Variants in COPZ2 observed in about 807,000 individuals in gnomAD.
The protein encoded by COPZ2 is coat protein complex I subunit zeta 2.
In COPZ2, 30 loss-of-function variants were observed where a neutral mutation model predicts 33.2. The ratio of observed to expected loss-of-function variants is 0.90; its 90% CI spans 0.68 to 1.23. The LOEUF is 1.23. Among genes scored for constraint, COPZ2 ranks in the 50% most tolerant of loss-of-function variants. The pLI, the probability that COPZ2 is intolerant of heterozygous loss-of-function variation, is 0.00. For synonymous variants in COPZ2, 89 were observed against 102.6 expected (o/e 0.87, Z 0.80); for missense variants, 263 against 262.4 (o/e 1.00, Z -0.02).
chr17:48,046,812 C>CTTCAAGTACTCAG, the COPZ2 span: 1 of 152,226 alleles, frequency 6.6e-6, no homozygotes, highest in African/African-American at 2.4e-5. Flanking sequence ...TTGAGTCCCC[C>CTTCAAGTACTCAG]TTCAAGTACT....
Position 48,036,901 on chromosome 17 carries a change from TG to T in COPZ2, c.135del (p.Ile46SerfsTer7). 2.5e-6 allele frequency: 4 copies of T among 1,613,954 alleles called. No individual in the cohort carries two copies. The highest frequency in any genetic ancestry group is 2.5e-6 in the Non-Finnish European group (3 of 1,179,876). On this transcript the variant is annotated frameshift_variant, in exon 2 of 9. Coordinates refer to ENST00000621465, the MANE Select transcript of COPZ2 (RefSeq NM_016429.4). LOFTEE classifies it high-confidence loss of function. ...GLRLQEPSLY[T>X]IKAVFILDND... is the part of the protein sequence containing the mutation. Reference sequence around the variant, plus strand: ...TTATCTAGGATGAAAACAGCCTTGATGGTGTAGAGGGAAGGTTCCTGCAACT... The same window carrying T: ...TTATCTAGGATGAAAACAGCCTTGATGTGTAGAGGGAAGGTTCCTGCAACT...
the COPZ2 span, chr17:48,047,080 G>A: frequency 3.9e-5 from 6 of 152,136 alleles, no homozygotes; most frequent in Non-Finnish European, 1.5e-5. Context: ...TTTATTATAT[G>A]CAGTGAAAGT....
At chr17:48,043,573 T>G in the COPZ2 span, 9 of 985,188 alleles carry the variant, frequency 9.1e-6, no homozygotes, top group Non-Finnish European at 1.1e-5. Context: ...GGGTTTCTAG[T>G]AGACCATTCT....
the COPZ2 span, among the ~76,000 whole-genome samples, chr17:48,044,396 TC>T: frequency 2.1e-5 from 3 of 142,778 alleles, no homozygotes; most frequent in African/African-American, 8.0e-5. Flanking sequence ...ATTACCACAA[TC>T]TTTTGCTTTT....
At chr17:48,030,160 G>A (rs961857297) in intron 6 of COPZ2, among the ~76,000 whole-genome samples, 9 of 149,748 alleles carry the variant, frequency 6.0e-5, no homozygotes, top group African/African-American at 2.2e-4. Flanking sequence ...GGTGGCGCAC[G>A]CCTATAATCC....
upstream of COPZ2, chr17:48,037,855 G>T: frequency 2.0e-6 from 2 of 981,180 alleles, no homozygotes; most frequent in Non-Finnish European, 2.4e-6. This position sits in a 1 kb window ranked among gnomAD's most constrained non-coding sequence, Gnocchi z 5.6. Context: ...CCGCCCCGCG[G>T]CCCCCTCTCG....
In COPZ2 at chr17:48,026,231, A is replaced by G. The variant is rs2036814633; in HGVS notation, c.*197T>C. The G allele has an allele frequency of 1.2e-5, 7 of 570,352 alleles. No homozygotes were observed. Among genetic ancestry groups the G allele is most frequent in the Non-Finnish European group, 1.9e-5 (6 of 320,464 alleles). 35.3% of individuals were successfully genotyped at this position (570,352 alleles called of 1,614,324 possible). A position where few individuals can be genotyped will look rare whatever the true frequency, so the allele number is the denominator to read the frequency against. On this transcript the variant is annotated 3_prime_UTR_variant, in exon 9 of 9. Coordinates refer to ENST00000621465, the MANE Select transcript of COPZ2 (RefSeq NM_016429.4). ...CCAGGAATGCCTAAGATATGAGTTAAGGCCAGGGCCGTGAGAAAAGGTGAC... is the reference window on the plus strand; with the variant it reads ...CCAGGAATGCCTAAGATATGAGTTAGGGCCAGGGCCGTGAGAAAAGGTGAC...
chr17:48,043,529 G>C, the COPZ2 span: 21 of 985,430 alleles, frequency 2.1e-5, no homozygotes, highest in Non-Finnish European at 2.5e-5. Context: ...ATCCTCTAGA[G>C]AAAACTAAAG....
the COPZ2 span, among the ~76,000 whole-genome samples, chr17:48,043,868 G>C: frequency 3.4e-3 from 511 of 152,282 alleles, 2 homozygotes; most frequent in African/African-American, 0.012. Context: ...CTCCTTGAGT[G>C]TGACATGTCA....
At chr17:48,036,676 G>T (rs2036988094) in intron 2 of COPZ2, among the ~76,000 whole-genome samples, 175 bp downstream of exon 2, 1 of 152,192 alleles carries the variant, frequency 6.6e-6, no homozygotes, top group African/African-American at 2.4e-5. Flanking sequence ...TAGAAATAGA[G>T]GAGACCCCTC....
chr17:48,032,633 G>A, intron 5 of COPZ2, 53 bp downstream of exon 5: 1 of 1,364,884 alleles, frequency 7.3e-7, no homozygotes, highest in South Asian at 1.2e-5. Flanking sequence ...AGGGTCCTGT[G>A]ACATATCAGG....
rs774910922 is a variant in COPZ2 at position 48,037,137 on chromosome 17, G to T, written c.112-212C>A. The T allele has an allele frequency of 2.6e-6, 2 of 767,480 alleles. No homozygotes were observed. Among genetic ancestry groups the T allele is most frequent in the South Asian group, 2.7e-5 (2 of 73,292 alleles). The allele number at this position is 767,480 out of a possible 1,614,324, so 47.5% of individuals were successfully genotyped here. ...ATGTTCCACTGCAGGCCCCGAGTGG[G>T]CGCTGTGCCCGTTGGGTGCAGAAGG... is the stretch of plus-strand genomic sequence containing the variant. On this transcript the variant is annotated intron_variant, in intron 1 of 8. Transcript: ENST00000621465. This position sits in a 1 kb window ranked among gnomAD's most constrained non-coding sequence, Gnocchi z 5.6.
upstream of COPZ2, among the ~76,000 whole-genome samples, chr17:48,039,896 C>T (rs968643070): frequency 2.6e-5 from 4 of 152,162 alleles, no homozygotes; most frequent in South Asian, 4.1e-4. Flanking sequence ...CCGAGACAGG[C>T]GGATCACGAG....
At chr17:48,047,958 CT>C in the COPZ2 span, 1 of 152,340 alleles carries the variant, frequency 6.6e-6, no homozygotes, top group Non-Finnish European at 1.5e-5. Flanking sequence ...GGCGATACAC[CT>C]TCCTATTCCC....
At chr17:48,032,401 T>C (rs1225970910) in intron 5 of COPZ2, among the ~76,000 whole-genome samples, 168 bp from the exon 6 acceptor site, 1 of 152,170 alleles carries the variant, frequency 6.6e-6, no homozygotes, top group Non-Finnish European at 1.5e-5. Flanking sequence ...ATGCAAGGCA[T>C]TTCTGAGCAA....
the COPZ2 span, chr17:48,047,418 T>C: frequency 6.6e-6 from 1 of 152,206 alleles, no homozygotes; most frequent in African/African-American, 2.4e-5. Flanking sequence ...TCGGAATTCG[T>C]AGCTTAGCAA....
In COPZ2 at chr17:48,033,703, G is replaced by A. The variant is rs1400549768; in HGVS notation, c.268+160C>T. ...TGACAGGGAGTGGAGGTTCCCTGGA[G>A]GAAGGGAGTGGAGAACAGCAGGGAA... On this transcript the variant is annotated intron_variant, in intron 3 of 8. Transcript: ENST00000621465. Among the ~76,000 whole-genome samples the A allele has an allele frequency of 5.9e-5, 9 of 152,300 alleles. No homozygotes were observed. The South Asian group carries it at 1.9e-3, about 32-fold the overall frequency.
At position 48,028,600 on chromosome 17, in the gene COPZ2, T is replaced by C. The variant is rs923800648; in HGVS notation, c.547-90A>G. The C allele has an allele frequency of 4.0e-6, 5 of 1,245,526 alleles. No homozygotes were observed. Among genetic ancestry groups the C allele is most frequent in the Non-Finnish European group, 5.7e-6 (5 of 874,838 alleles). 77.2% of individuals were successfully genotyped at this position (1,245,526 alleles called of 1,614,324 possible). A position where few individuals can be genotyped will look rare whatever the true frequency, so the allele number is the denominator to read the frequency against. On this transcript the variant is annotated intron_variant, in intron 7 of 8. Coordinates refer to ENST00000621465, the MANE Select transcript of COPZ2 (RefSeq NM_016429.4). This position sits in a 1 kb window ranked among gnomAD's most constrained non-coding sequence, Gnocchi z 4.5. ...AAGGAAAGGGGCTTGGGGGTATGGG[T>C]GAGGTGGTGCAGTGGTTAGGGTGAT...
intron 6 of COPZ2, among the ~76,000 whole-genome samples, chr17:48,031,252 A>C (rs2036890322): frequency 6.6e-6 from 1 of 152,122 alleles, no homozygotes; most frequent in Non-Finnish European, 1.5e-5. Context: ...GGAGATCGAG[A>C]CCATCCTGGC....
Sources: allele counts gnomAD v4.1 joint callset (sites outside exome capture counted in the v4.1 genomes callset), GRCh38; gene constraint gnomAD v4.1.1; non-coding constraint Gnocchi (gnomAD v3.1); transcripts MANE v1.5; gene names NCBI Gene and HGNC (gene_info 2026-07-23, HGNC 2026-07-21).